The following PPEF1 variants were observed in gnomAD, a reference collection of about 807,000 sequenced individuals.
PPEF1 encodes protein phosphatase with EF-hand domain 1.
A neutral mutation model predicts 53.3 loss-of-function variants in PPEF1; 12 were observed. That is an observed-to-expected ratio of 0.23 (90% CI 0.14 to 0.36). The LOEUF is 0.36. Among genes scored for constraint, PPEF1 ranks in the 10% least tolerant of loss-of-function variants. The pLI, the probability that PPEF1 is intolerant of heterozygous loss-of-function variation, is 1.00. For synonymous variants in PPEF1, 165 were observed against 176.7 expected (o/e 0.93, Z 0.52); for missense variants, 334 against 490.4 (o/e 0.68, Z 3.01).
chrX:18,677,760 ACT>A (rs1928729069), intron 1 of PPEF1, among the ~76,000 whole-genome samples: 1 of 110,704 alleles, frequency 9.0e-6, no homozygotes, highest in African/African-American at 3.3e-5. Context: ...GGACTGGCTA[ACT>A]CTGTCGTAGG....
At chrX:18,696,435 G>C (rs1003106963) in intron 4 of PPEF1, among the ~76,000 whole-genome samples, 18 of 109,751 alleles carry the variant, frequency 1.6e-4, no homozygotes, top group Non-Finnish European at 2.3e-4. Flanking sequence ...TTACAGGTAT[G>C]AGCCACTGCC....
At chrX:18,799,762 G>C (rs1166564684) in intron 10 of PPEF1, among the ~76,000 whole-genome samples, 1 of 111,755 alleles carries the variant, frequency 8.9e-6, no homozygotes, top group Non-Finnish European at 1.9e-5. Context: ...AGGAAAGAAT[G>C]TTGTAAAGAA....
At position 18,702,457 on chromosome X, in the gene PPEF1, C is replaced by T. The variant is rs752512849; in HGVS notation, c.-123+2022C>T. On this transcript the variant is annotated intron_variant, in intron 6 of 21. Coordinates refer to the PPEF1 transcript ENST00000361511. Reference sequence around the variant, plus strand: ...AACTACGAAACTGACATCTAGAATGCCAGAGAGGGTCGTGTCAGGGTGGCT... The same window carrying T: ...AACTACGAAACTGACATCTAGAATGTCAGAGAGGGTCGTGTCAGGGTGGCT... Among the ~76,000 whole-genome samples the T allele has an allele frequency of 2.8e-5, 3 of 105,816 alleles. No individual in the cohort carries two copies. The South Asian group carries it at 1.3e-3, about 47-fold the overall frequency. The allele number at this position is 105,816 out of a possible 115,157, so 91.9% of individuals were successfully genotyped here. A position where few individuals can be genotyped will look rare whatever the true frequency, so the allele number is the denominator to read the frequency against.
intron 1 of PPEF1, among the ~76,000 whole-genome samples, chrX:18,711,512 A>T (rs1252597378): frequency 8.9e-6 from 1 of 111,886 alleles, no homozygotes; most frequent in Non-Finnish European, 1.9e-5. Context: ...AGGCATTTGA[A>T]CCATTTTGAG....
chrX:18,798,256 C>T (rs2046472770), intron 10 of PPEF1, among the ~76,000 whole-genome samples: 1 of 110,039 alleles, frequency 9.1e-6, no homozygotes. Context: ...TGGTCTTGAA[C>T]TCCTGGGCTC....
At chrX:18,815,873 C>CT (rs1421211260) in intron 12 of PPEF1, among the ~76,000 whole-genome samples, 2 of 108,179 alleles carry the variant, frequency 1.8e-5, no homozygotes, top group Non-Finnish European at 3.8e-5. Flanking sequence ...TCAGTTTACT[C>CT]TTTTTTCCAA....
chrX:18,742,376 G>C (rs966756744), intron 3 of PPEF1, among the ~76,000 whole-genome samples: 2 of 111,387 alleles, frequency 1.8e-5, no homozygotes, highest in African/African-American at 6.5e-5. Flanking sequence ...CCCACATTTA[G>C]TGACTTAAAA....
chrX:18,721,000 T>A (rs1475704240), intron 1 of PPEF1, among the ~76,000 whole-genome samples: 1 of 111,645 alleles, frequency 9.0e-6, no homozygotes, highest in Non-Finnish European at 1.9e-5. Context: ...CCTCTGAGCC[T>A]TAGATACTTC....
intron 1 of PPEF1, among the ~76,000 whole-genome samples, chrX:18,710,815 A>T (rs746344395): frequency 6.3e-4 from 70 of 111,439 alleles, no homozygotes; most frequent in African/African-American, 2.3e-3. Context: ...CTACCATTTC[A>T]TCCAGCAATC....
chrX:18,710,974 A>G (rs2044309208), intron 1 of PPEF1, among the ~76,000 whole-genome samples: 1 of 108,648 alleles, frequency 9.2e-6, no homozygotes, highest in Admixed American at 1.0e-4. Context: ...TGTGTGGTGT[A>G]TGTATATGTA....
At chrX:18,803,750 C>A in intron 10 of PPEF1, 142 bp from the exon 11 acceptor site, 1 of 597,894 alleles carries the variant, frequency 1.7e-6, no homozygotes, top group Non-Finnish European at 2.5e-6. Flanking sequence ...AGCCACCACG[C>A]CAGGCCTGAA....
Position 18,723,023 on chromosome X carries a change from C to T in PPEF1, c.47-7158C>T, listed in dbSNP as rs183678097. Among the ~76,000 whole-genome samples, 273 of 108,172 alleles carry T rather than the reference C, an allele frequency of 2.5e-3. 1 individual carries two copies. Among genetic ancestry groups the T allele is most frequent in the African/African-American group, 8.4e-3 (248 of 29,461 alleles). The allele number at this position is 108,172 out of a possible 115,157, so 93.9% of individuals were successfully genotyped here. ...TTTTTGTGACGGAGTCTCGCTCTGT[C>T]GCCCAGGCTAGAGTGCAGTGGTGTG... On this transcript the variant is annotated intron_variant, in intron 1 of 15. Transcript: ENST00000470157.
At chrX:18,677,010 G>A (rs1014508085) in intron 1 of PPEF1, among the ~76,000 whole-genome samples, 1 of 107,071 alleles carries the variant, frequency 9.3e-6, no homozygotes, top group Admixed American at 1.0e-4. Context: ...TCTCCCCGCC[G>A]CCCCTCGCAA....
At chrX:18,754,468 A>G in intron 4 of PPEF1, among the ~76,000 whole-genome samples, 1 of 111,724 alleles carries the variant, frequency 9.0e-6, no homozygotes, top group Non-Finnish European at 1.9e-5. Flanking sequence ...ACAGCTTGGA[A>G]TGAATCATGT....
chrX:18,813,472 A>G (rs1187151893), intron 12 of PPEF1, among the ~76,000 whole-genome samples: 1 of 110,173 alleles, frequency 9.1e-6, no homozygotes, highest in Non-Finnish European at 1.9e-5. Context: ...TAGTAGAGTC[A>G]TTGAGATTTT....
chrX:18,783,922 A>G lies in PPEF1; in HGVS notation c.786A>G (p.Gln262=). The part of the protein sequence containing the change: ...KYKLHGKRIL[Q]ILEEFYAWLP... ...AGCTACATGGAAAAAGAATCTTACA[A>G]ATCTTGGAAGAATTCTATGCCTGGC... is the stretch of plus-strand genomic sequence containing the variant. Residue 262 remains glutamine, a synonymous_variant, in exon 9 of 16, where the codon CAA becomes CAG. Coordinates refer to ENST00000470157, the MANE Select transcript of PPEF1 (RefSeq NM_001377996.1). The G allele has an allele frequency of 1.7e-6, 2 of 1,207,488 alleles. No homozygotes were observed. Among genetic ancestry groups the G allele is most frequent in the Non-Finnish European group, 2.2e-6 (2 of 894,030 alleles).
chrX:18,810,689 T>A (rs2046788227), intron 12 of PPEF1, among the ~76,000 whole-genome samples: 1 of 112,506 alleles, frequency 8.9e-6, no homozygotes, highest in South Asian at 3.7e-4. Context: ...TCATTCATGT[T>A]GTATTCTATA....
At chrX:18,769,530 A>G (rs892154642) in intron 6 of PPEF1, among the ~76,000 whole-genome samples, 1 of 111,484 alleles carries the variant, frequency 9.0e-6, no homozygotes, top group Non-Finnish European at 1.9e-5. Context: ...AAAGAGATGC[A>G]TGTGAACAGA....
intron 4 of PPEF1, among the ~76,000 whole-genome samples, chrX:18,694,962 A>AT (rs781739693): frequency 1.8e-5 from 2 of 111,786 alleles, no homozygotes; most frequent in South Asian, 7.5e-4. Context: ...TGTGGGACAG[A>AT]TTACCAAAAA....
Sources: gnomAD v4.1 joint callset for allele counts (sites outside exome capture counted in the v4.1 genomes callset) on GRCh38, gnomAD v4.1.1 for gene constraint, MANE v1.5 for transcripts, NCBI Gene and HGNC (gene_info 2026-07-23, HGNC 2026-07-21) for gene names.